The following CPED1 variants were observed in gnomAD, a reference collection of about 807,000 sequenced individuals.
CPED1 encodes the protein cadherin-like and PC-esterase domain-containing protein 1.
CPED1 carries 114 observed loss-of-function variants against 128.2 expected under a neutral mutation model. The observed-to-expected ratio is 0.89, with a 90% CI of 0.76 to 1.04. The LOEUF is 1.04. Among genes scored for constraint, CPED1 ranks in the 50% least tolerant of loss-of-function variants. The pLI is 0.00. For synonymous variants in CPED1, 462 were observed against 426.7 expected (o/e 1.08, Z -1.02); for missense variants, 1,211 against 1,207.1 (o/e 1.00, Z -0.05).
At chr7:120,996,750 A>G (rs927730888) in intron 2 of CPED1, among the ~76,000 whole-genome samples, 3 of 152,216 alleles carry the variant, frequency 2.0e-5, no homozygotes, top group Non-Finnish European at 4.4e-5. Context: ...CCAAAATCTT[A>G]GCATCTATCT....
At position 121,267,526 on chromosome 7, in the gene CPED1, A is replaced by T. The variant is rs531004739; in HGVS notation, c.2721+224A>T. 1.2e-3 allele frequency among the ~76,000 whole-genome samples: 184 copies of T among 152,172 alleles called. 1 individual carries two copies. Among genetic ancestry groups the T allele is most frequent in the African/African-American group, 4.2e-3 (176 of 41,544 alleles). On this transcript the variant is annotated intron_variant, in intron 21 of 22. Coordinates refer to ENST00000310396, the MANE Select transcript of CPED1 (RefSeq NM_024913.5). Reference sequence around the variant, plus strand: ...GTTCATGCTGAATCCACACAAAAAAATTATCACTATCATGAGTCCTTTGGG... The same window carrying T: ...GTTCATGCTGAATCCACACAAAAAATTTATCACTATCATGAGTCCTTTGGG...
chr7:121,272,287 G>C (rs1792248283), intron 22 of CPED1, among the ~76,000 whole-genome samples: 1 of 152,170 alleles, frequency 6.6e-6, no homozygotes, highest in East Asian at 1.9e-4. Flanking sequence ...TTCTGCGTTG[G>C]TCAGAGTAGA....
intron 7 of CPED1, among the ~76,000 whole-genome samples, chr7:121,113,616 G>A (rs1354803891): frequency 6.6e-6 from 1 of 152,128 alleles, no homozygotes; most frequent in Non-Finnish European, 1.5e-5. Context: ...GTCCTTAAGA[G>A]AAGGGAGAAT....
intron 2 of CPED1, among the ~76,000 whole-genome samples, chr7:120,996,316 A>G (rs1400853286): frequency 4.6e-5 from 7 of 151,710 alleles, no homozygotes; most frequent in African/African-American, 1.5e-4. Context: ...ATCCTTAGAA[A>G]TTTTTAATAG....
At chr7:121,160,467 G>T (rs1377819844) in intron 16 of CPED1, among the ~76,000 whole-genome samples, 1 of 151,722 alleles carries the variant, frequency 6.6e-6, no homozygotes, top group Non-Finnish European at 1.5e-5. Context: ...TGCTCCCAGA[G>T]GGGGAAGGGA....
chr7:121,060,291 C>G (rs1382073073), intron 4 of CPED1, among the ~76,000 whole-genome samples: 1 of 152,248 alleles, frequency 6.6e-6, no homozygotes, highest in African/African-American at 2.4e-5. Flanking sequence ...GCGCCCAGTC[C>G]CATCGACCAC....
chr7:121,108,483 C>G (rs1201528645), intron 7 of CPED1, among the ~76,000 whole-genome samples: 1 of 151,988 alleles, frequency 6.6e-6, no homozygotes, highest in African/African-American at 2.4e-5. Context: ...TCTTCCAGCT[C>G]AAATTCATAT....
chr7:121,204,925 GCCT>G (rs1797485041), intron 16 of CPED1, among the ~76,000 whole-genome samples: 1 of 152,048 alleles, frequency 6.6e-6, no homozygotes, highest in Non-Finnish European at 1.5e-5. Flanking sequence ...GAGGGTCATT[GCCT>G]AATCCTGATG....
chr7:121,094,313 AT>A (rs1268810380), intron 5 of CPED1, among the ~76,000 whole-genome samples: 1 of 152,156 alleles, frequency 6.6e-6, no homozygotes, highest in Non-Finnish European at 1.5e-5. Flanking sequence ...TTCCCTATTA[AT>A]TATTAGTTGT....
intron 3 of CPED1, among the ~76,000 whole-genome samples, chr7:121,037,665 C>A (rs1173329550): frequency 2.6e-5 from 4 of 151,962 alleles, no homozygotes; most frequent in African/African-American, 9.7e-5. Flanking sequence ...TTTTCTAGTT[C>A]TGTGAAGAAT....
At chr7:121,180,303 T>C (rs1796873696) in intron 16 of CPED1, among the ~76,000 whole-genome samples, 1 of 152,090 alleles carries the variant, frequency 6.6e-6, no homozygotes, top group South Asian at 2.1e-4. Flanking sequence ...TCCTATGTTT[T>C]AAAAGGTAAC....
intron 18 of CPED1, among the ~76,000 whole-genome samples, chr7:121,249,193 C>A (rs1798610394): frequency 6.6e-6 from 1 of 152,120 alleles, no homozygotes; most frequent in Admixed American, 6.5e-5. Context: ...CAGAACAAAT[C>A]TGCAACTCAT....
intron 2 of CPED1, among the ~76,000 whole-genome samples, chr7:120,999,490 A>G (rs1791766948): frequency 6.6e-6 from 1 of 151,958 alleles, no homozygotes; most frequent in Non-Finnish European, 1.5e-5. Context: ...CCATCATCTA[A>G]CCTCTATTTC....
Position 121,015,441 on chromosome 7 carries a change from T to G in CPED1, c.250-224T>G, listed in dbSNP as rs112499241. Reference sequence around the variant, plus strand: ...CCAAGGACCTCTATATTTTATGGCCTAAAATTTTCATCTTTCTGTTACAGT... The same window carrying G: ...CCAAGGACCTCTATATTTTATGGCCGAAAATTTTCATCTTTCTGTTACAGT... On this transcript the variant is annotated intron_variant, in intron 2 of 22. Coordinates refer to ENST00000310396, the MANE Select transcript of CPED1 (RefSeq NM_024913.5). Among the ~76,000 whole-genome samples, 771 of 152,344 alleles carry G rather than the reference T, an allele frequency of 5.1e-3. 5 individuals are homozygous for G. Among genetic ancestry groups the G allele is most frequent in the African/African-American group, 0.017 (714 of 41,586 alleles).
chr7:121,238,403 C>T (rs996030186), intron 17 of CPED1, among the ~76,000 whole-genome samples: 2 of 152,180 alleles, frequency 1.3e-5, no homozygotes, highest in Admixed American at 6.5e-5. Context: ...GGTTTTTGTC[C>T]ACACTGTTCC....
intron 16 of CPED1, among the ~76,000 whole-genome samples, chr7:121,169,138 T>C (rs970627323): frequency 6.6e-6 from 1 of 152,204 alleles, no homozygotes; most frequent in Admixed American, 6.5e-5. Context: ...TATAAATGAA[T>C]ATGTATACAA....
intron 3 of CPED1, among the ~76,000 whole-genome samples, chr7:121,019,051 G>A (rs1180986606): frequency 6.6e-6 from 1 of 151,876 alleles, no homozygotes; most frequent in Non-Finnish European, 1.5e-5. Flanking sequence ...AATATTTACT[G>A]GTAGAGTAAC....
intron 16 of CPED1, among the ~76,000 whole-genome samples, chr7:121,166,802 G>C (rs1796536182): frequency 6.6e-6 from 1 of 152,104 alleles, no homozygotes; most frequent in Non-Finnish European, 1.5e-5. Flanking sequence ...ATAAATGTAG[G>C]AGAAAGTTCT....
chr7:120,991,134 T>C (rs896907301), intron 2 of CPED1, among the ~76,000 whole-genome samples: 4 of 152,216 alleles, frequency 2.6e-5, no homozygotes, highest in African/African-American at 9.6e-5. Context: ...TACAAGAACT[T>C]ACTGAAATAC....
Sources: allele counts gnomAD v4.1 joint callset (sites outside exome capture counted in the v4.1 genomes callset), GRCh38; gene constraint gnomAD v4.1.1; transcripts MANE v1.5; gene names NCBI Gene and HGNC (gene_info 2026-07-23, HGNC 2026-07-21).